CHRDL1: variants seen among roughly 807,000 people sequenced by gnomAD.
CHRDL1 encodes chordin-like protein 1.
A neutral mutation model predicts 40.9 loss-of-function variants in CHRDL1; 19 were observed. That is an observed-to-expected ratio of 0.46 (90% CI 0.32 to 0.68). CHRDL1 has a LOEUF of 0.68. Ranked by LOEUF, CHRDL1 falls within the 30% of genes least tolerant of loss-of-function variation. The pLI is 0.03. For missense variants in CHRDL1, 329 were observed against 352.1 expected (o/e 0.93, Z 0.53); for synonymous variants, 136 against 123.4 (o/e 1.10, Z -0.68).
At position 110,686,404 on chromosome X, in the gene CHRDL1, T is replaced by C. The variant is rs138144847; in HGVS notation, c.988+2190A>G. 5.3e-5 allele frequency among the ~76,000 whole-genome samples: 6 copies of C among 112,178 alleles called. No homozygotes were observed. The East Asian group carries it at 1.7e-3, about 31-fold the overall frequency. On this transcript the variant is annotated intron_variant, in intron 9 of 11. Coordinates refer to ENST00000372042, the MANE Select transcript of CHRDL1 (RefSeq NM_001143981.2). ...GAATATTATACAATGAGAGGGTTTA[T>C]GTTATCATGGGTAATTTGTGTAAAT...
At chrX:110,681,687 T>C in intron 9 of CHRDL1, 38 bp from the exon 10 acceptor site, 1 of 1,081,586 alleles carries the variant, frequency 9.2e-7, no homozygotes, top group Non-Finnish European at 1.3e-6. Flanking sequence ...GTCATGGTTT[T>C]CTAAAGCTAG....
intron 2 of CHRDL1, among the ~76,000 whole-genome samples, chrX:110,784,219 G>A (rs925923169): frequency 1.8e-5 from 2 of 111,603 alleles, no homozygotes; most frequent in Non-Finnish European, 3.8e-5. Context: ...CTGACAATTG[G>A]GTTTCTAGAG....
chrX:110,768,193 T>C (rs1412019710), intron 2 of CHRDL1, among the ~76,000 whole-genome samples: 1 of 112,383 alleles, frequency 8.9e-6, no homozygotes, highest in Non-Finnish European at 1.9e-5. Flanking sequence ...GTCTCTATGA[T>C]TGGCTTTGCC....
At chrX:110,740,554 T>A (rs759128524) in intron 4 of CHRDL1, among the ~76,000 whole-genome samples, 1 of 112,399 alleles carries the variant, frequency 8.9e-6, no homozygotes, top group African/African-American at 3.2e-5. Flanking sequence ...AAGAAATAAA[T>A]CTTTGTTGTT....
chrX:110,741,775 C>A (rs1233287721), intron 4 of CHRDL1, among the ~76,000 whole-genome samples: 1 of 111,925 alleles, frequency 8.9e-6, no homozygotes, highest in Non-Finnish European at 1.9e-5. Context: ...TGGAAGCCTT[C>A]TATCTTAGTA....
At chrX:110,691,096 C>T (rs1198169296) in intron 8 of CHRDL1, among the ~76,000 whole-genome samples, 1 of 108,970 alleles carries the variant, frequency 9.2e-6, no homozygotes, top group Non-Finnish European at 1.9e-5. Flanking sequence ...TGCCTGTAGT[C>T]CTAGCTACTT....
Position 110,700,740 on chromosome X carries a change from T to A in CHRDL1, c.542-19A>T, listed in dbSNP as rs989294624. On this transcript the variant is annotated intron_variant, in intron 6 of 11. Transcript: ENST00000372042. ...CCATCTCCTGTTTATTAAAAAGAAATAAGGAGAAAATCATACATTCATAAA... is the reference window on the plus strand; with the variant it reads ...CCATCTCCTGTTTATTAAAAAGAAAAAAGGAGAAAATCATACATTCATAAA... The A allele has an allele frequency of 9.5e-7, 1 of 1,057,532 alleles. No individual in the cohort carries two copies. Among genetic ancestry groups the A allele is most frequent in the African/African-American group, 1.8e-5 (1 of 54,180 alleles). The allele number at this position is 1,057,532 out of a possible 1,213,427, so 87.2% of individuals were successfully genotyped here. A position where few individuals can be genotyped will look rare whatever the true frequency, so the allele number is the denominator to read the frequency against.
At chrX:110,700,332 T>C (rs188175951) in intron 7 of CHRDL1, among the ~76,000 whole-genome samples, 166 of 111,705 alleles carry the variant, frequency 1.5e-3, no homozygotes, top group Non-Finnish European at 2.9e-3. Flanking sequence ...GTCCTCACTG[T>C]TGAGGATAGG....
chrX:110,723,885 G>T, intron 4 of CHRDL1, among the ~76,000 whole-genome samples: 1 of 112,502 alleles, frequency 8.9e-6, no homozygotes, highest in Non-Finnish European at 1.9e-5. Context: ...AGGATATAAA[G>T]AAAGTTCCTT....
At chrX:110,757,564 T>G (rs773043577) in intron 4 of CHRDL1, among the ~76,000 whole-genome samples, 3 of 111,474 alleles carry the variant, frequency 2.7e-5, no homozygotes, top group Non-Finnish European at 3.8e-5. Context: ...GTAAAATAAA[T>G]ACACTTTTTT....
chrX:110,709,279 CCTT>C (rs1402864485), intron 6 of CHRDL1, among the ~76,000 whole-genome samples: 2 of 112,334 alleles, frequency 1.8e-5, no homozygotes, highest in East Asian at 2.8e-4. Context: ...TCTTTTTCCT[CCTT>C]CTCCTCAAGG....
intron 2 of CHRDL1, among the ~76,000 whole-genome samples, chrX:110,769,078 G>C (rs2089711532): frequency 9.0e-6 from 1 of 111,598 alleles, no homozygotes; most frequent in East Asian, 2.8e-4. Context: ...CTCCATCAGA[G>C]TCCCTGAAAG....
chrX:110,681,993 C>G (rs143092424), intron 9 of CHRDL1, among the ~76,000 whole-genome samples: 154 of 112,043 alleles, frequency 1.4e-3, no homozygotes, highest in Non-Finnish European at 2.7e-3. Context: ...TACAAATCTC[C>G]TAGGCACTTA....
intron 8 of CHRDL1, among the ~76,000 whole-genome samples, chrX:110,693,583 G>A (rs1188235354): frequency 2.7e-5 from 3 of 110,216 alleles, no homozygotes; most frequent in Non-Finnish European, 5.7e-5. Context: ...TTGAACCCCT[G>A]GCCTCGAGTG....
At chrX:110,686,809 G>A (rs778160131) in intron 9 of CHRDL1, among the ~76,000 whole-genome samples, 17 of 106,068 alleles carry the variant, frequency 1.6e-4, no homozygotes, top group East Asian at 5.7e-4. Context: ...CCGGGAGGTG[G>A]AGGTTGCAAG....
chrX:110,790,937 CA>C (rs1264446986), intron 2 of CHRDL1, among the ~76,000 whole-genome samples: 1 of 105,941 alleles, frequency 9.4e-6, no homozygotes, highest in Admixed American at 1.1e-4. Flanking sequence ...CGCTCATGCT[CA>C]AAAGCATAAT....
intron 4 of CHRDL1, among the ~76,000 whole-genome samples, chrX:110,756,386 T>G (rs1200090239): frequency 1.8e-5 from 2 of 111,221 alleles, no homozygotes; most frequent in Non-Finnish European, 3.8e-5. Flanking sequence ...TGGCTTCCCA[T>G]GTGAAGTTGG....
intron 2 of CHRDL1, among the ~76,000 whole-genome samples, chrX:110,781,811 T>TATG (rs2089949006): frequency 8.9e-6 from 1 of 112,117 alleles, no homozygotes; most frequent in Non-Finnish European, 1.9e-5. Context: ...AGGAAGGTAT[T>TATG]CTTAATATAT....
intron 2 of CHRDL1, among the ~76,000 whole-genome samples, chrX:110,764,785 G>T (rs768252005): frequency 3.6e-4 from 40 of 110,559 alleles, no homozygotes; most frequent in Non-Finnish European, 6.4e-4. Context: ...ATGCATTCCT[G>T]GGGGGAGGTC....
Sources: allele counts gnomAD v4.1 joint callset (sites outside exome capture counted in the v4.1 genomes callset), GRCh38; gene constraint gnomAD v4.1.1; transcripts MANE v1.5; gene names NCBI Gene and HGNC (gene_info 2026-07-23, HGNC 2026-07-21).